The following PXK variants were observed in gnomAD, a reference collection of about 807,000 sequenced individuals.
PXK encodes PX domain-containing protein kinase-like protein.
Under a neutral mutation model 84.7 loss-of-function variants are expected in PXK, and 35 were observed. The ratio of observed to expected loss-of-function variants is 0.41; its 90% CI spans 0.32 to 0.55. PXK has a LOEUF of 0.55. Ranked by LOEUF, PXK falls within the 20% of genes least tolerant of loss-of-function variation. The pLI is 0.21. For synonymous variants in PXK, 253 were observed against 260.8 expected (o/e 0.97, Z 0.29); for missense variants, 634 against 699.7 (o/e 0.91, Z 1.06).
chr3:58,349,941 G>A (rs1398863377), intron 1 of PXK, among the ~76,000 whole-genome samples: 1 of 152,142 alleles, frequency 6.6e-6, no homozygotes, highest in Non-Finnish European at 1.5e-5. Flanking sequence ...TGTGACTACT[G>A]AGTCCCAGAG....
chr3:58,372,365 C>A (rs2098386092), intron 3 of PXK, among the ~76,000 whole-genome samples: 1 of 152,122 alleles, frequency 6.6e-6, no homozygotes, highest in Admixed American at 6.6e-5. Context: ...CTCTGTCGCC[C>A]AGGCTGGAGT....
At chr3:58,365,971 T>C in intron 2 of PXK, 47 bp downstream of exon 2, 1 of 1,468,852 alleles carries the variant, frequency 6.8e-7, no homozygotes, top group Non-Finnish European at 9.3e-7. Flanking sequence ...AATATTTAAA[T>C]GCGTGACTAA....
chr3:58,379,713 G>A lies in PXK; in HGVS notation c.202-2801G>A, dbSNP rs1208758370. 2.0e-5 allele frequency among the ~76,000 whole-genome samples: 3 copies of A among 152,062 alleles called. No individual in the cohort carries two copies. ...TAAGGAAGAAAAAGAATAGAAAAGA[G>A]TACTTACAAATAAAAAGTAACAGTA... On this transcript the variant is annotated intron_variant, in intron 3 of 17. Coordinates refer to ENST00000356151, the MANE Select transcript of PXK (RefSeq NM_017771.5). This position sits in a 1 kb window ranked among gnomAD's most constrained non-coding sequence, Gnocchi z 5.1.
intron 12 of PXK, among the ~76,000 whole-genome samples, chr3:58,402,678 G>A (rs1468837735): frequency 1.3e-5 from 2 of 151,132 alleles, no homozygotes; most frequent in Non-Finnish European, 2.9e-5. Context: ...TGATCCACCT[G>A]CCTCAGCCTC....
At chr3:58,346,819 G>A (rs1479334412) in intron 1 of PXK, among the ~76,000 whole-genome samples, 1 of 148,778 alleles carries the variant, frequency 6.7e-6, no homozygotes, top group Non-Finnish European at 1.5e-5. Context: ...CACCACATGT[G>A]GCTAATTGTG....
At chr3:58,413,992 C>A (rs910737442) in intron 17 of PXK, 1 of 152,220 alleles carries the variant, frequency 6.6e-6, no homozygotes, top group Non-Finnish European at 1.5e-5. Flanking sequence ...TGGTGCCTTA[C>A]TGCTGAATGT....
rs1311920675 is a variant in PXK at position 58,390,151 on chromosome 3, C to G, written c.389-431C>G. ...CATGATTGTGCCACTGAGTTCCAGC[C>G]TGGGCAACAGAGTGAGACCCTATCT... On this transcript the variant is annotated intron_variant, in intron 4 of 17. Coordinates refer to ENST00000356151, the MANE Select transcript of PXK (RefSeq NM_017771.5). The surrounding 1 kb of genome is among the most constrained non-coding windows in gnomAD (Gnocchi z 4.2). 6.6e-6 allele frequency among the ~76,000 whole-genome samples: 1 copy of G among 151,974 alleles called. No homozygotes were observed. The highest frequency in any genetic ancestry group is 1.5e-5 in the Non-Finnish European group (1 of 68,006).
In PXK at chr3:58,397,549, G is replaced by A. The variant is rs766727852; in HGVS notation, c.985-56G>A. On this transcript the variant is annotated intron_variant, in intron 10 of 17. Transcript: ENST00000356151. This position sits in a 1 kb window ranked among gnomAD's most constrained non-coding sequence, Gnocchi z 4.7. ...CAGAGAAGCCTTGGGGCAGGAGCGC[G>A]AGGGTCCACAAAGCCAAAGTGAAGG... The A allele has an allele frequency of 7.7e-6, 11 of 1,420,236 alleles. No individual in the cohort carries two copies. Among genetic ancestry groups the A allele is most frequent in the East Asian group, 2.3e-5 (1 of 43,842 alleles). The allele number at this position is 1,420,236 out of a possible 1,614,324, so 88.0% of individuals were successfully genotyped here. A position where few individuals can be genotyped will look rare whatever the true frequency, so the allele number is the denominator to read the frequency against.
chr3:58,347,088 G>A (rs911755706), intron 1 of PXK, among the ~76,000 whole-genome samples: 1 of 152,090 alleles, frequency 6.6e-6, no homozygotes, highest in Non-Finnish European at 1.5e-5. Flanking sequence ...TGATCCACCT[G>A]CCTCGGCTTC....
Position 58,416,031 on chromosome 3 carries a change from T to C in PXK, c.1528+3068T>C, listed in dbSNP as rs1249719471. Among the ~76,000 whole-genome samples, 1 of 152,148 alleles carries C rather than the reference T, an allele frequency of 6.6e-6. No individual in the cohort carries two copies. The highest frequency in any genetic ancestry group is 1.5e-5 in the Non-Finnish European group (1 of 68,020). On this transcript the variant is annotated intron_variant, in intron 17 of 17. Coordinates refer to ENST00000356151, the MANE Select transcript of PXK (RefSeq NM_017771.5). This position sits in a 1 kb window ranked among gnomAD's most constrained non-coding sequence, Gnocchi z 4.8. ...GCTAACTTGCTAGGGGGAGTGACTT[T>C]CTCCAAGCCTCTCAAGAAGAAACTT...
rs1470251485 is a variant in PXK, at chr3:58,383,324, A to G, written c.388+624A>G. Among the ~76,000 whole-genome samples, 1 of 152,192 alleles carries G rather than the reference A, an allele frequency of 6.6e-6. No homozygotes were observed. The highest frequency in any genetic ancestry group is 1.5e-5 in the Non-Finnish European group (1 of 68,046). On this transcript the variant is annotated intron_variant, in intron 4 of 17. Coordinates refer to ENST00000356151, the MANE Select transcript of PXK (RefSeq NM_017771.5). This position sits in a 1 kb window ranked among gnomAD's most constrained non-coding sequence, Gnocchi z 4.0. ...TAATAATAATAATAATTAATCCACA[A>G]TAACGCATACAGTAATTTTTATATT... is the stretch of plus-strand genomic sequence containing the variant.
chr3:58,356,819 G>T (rs2098089828), intron 1 of PXK, among the ~76,000 whole-genome samples: 1 of 151,210 alleles, frequency 6.6e-6, no homozygotes, highest in African/African-American at 2.4e-5. Flanking sequence ...GGCCAGGCTG[G>T]TCTTGAACGC....
chr3:58,387,912 G>A (rs1042927108), intron 4 of PXK, among the ~76,000 whole-genome samples: 10 of 152,246 alleles, frequency 6.6e-5, no homozygotes, highest in Non-Finnish European at 1.0e-4. Flanking sequence ...TAGGGGCCAT[G>A]GTAGGCAAAT....
chr3:58,372,467 C>T (rs908228156), intron 3 of PXK, among the ~76,000 whole-genome samples: 7 of 152,026 alleles, frequency 4.6e-5, no homozygotes, highest in African/African-American at 9.6e-5. Context: ...GGACTACAGG[C>T]GCCCGCCACC....
Position 58,399,244 on chromosome 3 carries a change from A to G in PXK, c.1103-55A>G. On this transcript the variant is annotated intron_variant, in intron 11 of 17. Coordinates refer to ENST00000356151, the MANE Select transcript of PXK (RefSeq NM_017771.5). The surrounding 1 kb of genome is among the most constrained non-coding windows in gnomAD (Gnocchi z 4.3). ...AGTGGTGTTAAACTTTTCATCAGCA[A>G]GTGGATTTGCCAGCGTGTTCTGTGG... is the stretch of plus-strand genomic sequence containing the variant. The G allele has an allele frequency of 1.3e-6, 2 of 1,500,392 alleles. No homozygotes were observed. Among genetic ancestry groups the G allele is most frequent in the African/African-American group, 1.4e-5 (1 of 72,616 alleles). The allele number at this position is 1,500,392 out of a possible 1,614,324, so 92.9% of individuals were successfully genotyped here.
At chr3:58,417,158 A>C (rs1175549477) in intron 17 of PXK, among the ~76,000 whole-genome samples, 1 of 152,156 alleles carries the variant, frequency 6.6e-6, no homozygotes, top group African/African-American at 2.4e-5. Flanking sequence ...CTCTCACCTC[A>C]GCCTCCAAAT....
Position 58,395,052 on chromosome 3 carries a change from C to G in PXK, c.670C>G (p.Leu224Val), listed in dbSNP as rs750505693. 4 of 1,613,496 alleles carry G rather than the reference C, an allele frequency of 2.5e-6. No individual in the cohort carries two copies. In the African/African-American group the frequency reaches 5.3e-5, roughly 22 times the overall value. The stretch of plus-strand genomic sequence containing the variant: ...CACAGCTAATGAATCCTCAGCGTTG[C>G]TAATTAGGATGTTTAACGAAAAGGG... The part of the protein sequence containing the change: ...FATANESSAL[L>V]IRMFNEKGTL... Residue 224 changes from leucine to valine, a missense_variant, in exon 8 of 18, where the codon CTA (leucine) becomes GTA (valine). Around this residue, in one of 3 missense-constraint regions of PXK, gnomAD observed 353 missense variants for 385.2 expected, o/e 0.92. Coordinates refer to ENST00000356151, the MANE Select transcript of PXK (RefSeq NM_017771.5).
At position 58,421,989 on chromosome 3, in the gene PXK, CT is replaced by C; in HGVS notation, c.1529-2762del. The C allele has an allele frequency of 1.0e-6, 1 of 985,392 alleles. No individual in the cohort carries two copies. The highest frequency in any genetic ancestry group is 1.2e-6 in the Non-Finnish European group (1 of 829,928). 61.0% of individuals were successfully genotyped at this position (985,392 alleles called of 1,614,324 possible). A position where few individuals can be genotyped will look rare whatever the true frequency, so the allele number is the denominator to read the frequency against. On this transcript the variant is annotated intron_variant, in intron 17 of 17. Coordinates refer to ENST00000356151, the MANE Select transcript of PXK (RefSeq NM_017771.5). This position sits in a 1 kb window ranked among gnomAD's most constrained non-coding sequence, Gnocchi z 5.5. ...CTTGGCAGGAAGGCCTCATTCACAT[CT>C]GAGGGGTGGAGAGCGCGCAGGCAGC...
chr3:58,351,398 TGTGTGTG>T (rs751780265), intron 1 of PXK, among the ~76,000 whole-genome samples: 2 of 71,790 alleles, frequency 2.8e-5, no homozygotes, highest in Non-Finnish European at 6.2e-5. Context: ...TAGCTATTTG[TGTGTGTG>T]TGTGTGTGTG....
Sources: allele counts gnomAD v4.1 joint callset (sites outside exome capture counted in the v4.1 genomes callset), GRCh38; gene constraint gnomAD v4.1.1; regional missense constraint gnomAD v4.1.1; non-coding constraint Gnocchi (gnomAD v3.1); transcripts MANE v1.5; gene names NCBI Gene and HGNC (gene_info 2026-07-23, HGNC 2026-07-21).